CYTH2: variants seen among roughly 807,000 people sequenced by gnomAD.
CYTH2 encodes cytohesin 2.
Under a neutral mutation model 55.4 loss-of-function variants are expected in CYTH2, and 24 were observed. That is an observed-to-expected ratio of 0.43 (90% CI 0.31 to 0.61). CYTH2 has a LOEUF of 0.61. Among genes scored for constraint, CYTH2 ranks in the 20% least tolerant of loss-of-function variants. The pLI is 0.08. For missense variants in CYTH2, 378 were observed against 533.5 expected (o/e 0.71, Z 2.87); for synonymous variants, 221 against 209.6 (o/e 1.05, Z -0.47).
Position 48,479,580 on chromosome 19 carries a change from T to C in CYTH2, c.*370T>C. 4.4e-6 allele frequency: 1 copy of C among 228,996 alleles called. No individual in the cohort carries two copies. The highest frequency in any genetic ancestry group is 8.7e-6 in the Non-Finnish European group (1 of 115,070). 14.2% of individuals were successfully genotyped at this position (228,996 alleles called of 1,614,324 possible). On this transcript the variant is annotated 3_prime_UTR_variant, in exon 12 of 12. Coordinates refer to ENST00000452733, the MANE Select transcript of CYTH2 (RefSeq NM_004228.7). Reference sequence around the variant, plus strand: ...GGAGAAGGTTAATATGGTGGGAGTCTGGAGTTGGAATTGGCCGGGGACAGA... The same window carrying C: ...GGAGAAGGTTAATATGGTGGGAGTCCGGAGTTGGAATTGGCCGGGGACAGA...
In CYTH2 at chr19:48,474,739, C is replaced by T. The variant is rs1569090285; in HGVS notation, c.697-99C>T. 2 of 1,001,708 alleles carry T rather than the reference C, an allele frequency of 2.0e-6. No homozygotes were observed. Among genetic ancestry groups the T allele is most frequent in the East Asian group, 4.8e-5 (2 of 41,414 alleles). 62.1% of individuals were successfully genotyped at this position (1,001,708 alleles called of 1,614,324 possible). A position where few individuals can be genotyped will look rare whatever the true frequency, so the allele number is the denominator to read the frequency against. ...CCCCACTACCCCTCTCTCTTCCCCA[C>T]TATGAGTCATCCCATCCCTGGTCTC... On this transcript the variant is annotated intron_variant, in intron 7 of 11. Coordinates refer to ENST00000452733, the MANE Select transcript of CYTH2 (RefSeq NM_004228.7). This position sits in a 1 kb window ranked among gnomAD's most constrained non-coding sequence, Gnocchi z 4.9.
chr19:48,471,848 G>A (rs1028355161), intron 3 of CYTH2, among the ~76,000 whole-genome samples: 5 of 152,200 alleles, frequency 3.3e-5, no homozygotes, highest in African/African-American at 1.2e-4. Context: ...CCAGGAATTT[G>A]AGACCAGCCT....
At chr19:48,477,910 C>A in intron 8 of CYTH2, 159 bp from the exon 9 acceptor site, 1 of 601,648 alleles carries the variant, frequency 1.7e-6, no homozygotes, top group Non-Finnish European at 3.0e-6. Context: ...CCCCAACATG[C>A]CTGGCCCTGC....
At chr19:48,478,022 C>T in intron 8 of CYTH2, 47 bp from the exon 9 acceptor site, 2 of 1,522,848 alleles carry the variant, frequency 1.3e-6, no homozygotes, top group East Asian at 2.3e-5. Flanking sequence ...CCCAGAGGCC[C>T]TGTCCCCCTG....
chr19:48,476,000 GGAGT>G (rs1569090895), intron 8 of CYTH2: 3 of 519,398 alleles, frequency 5.8e-6, no homozygotes, highest in African/African-American at 5.8e-5. Context: ...CTCAGTGAAG[GGAGT>G]CAAGGTCAGG....
chr19:48,473,475 A>C, intron 5 of CYTH2, 97 bp downstream of exon 5: 2 of 1,317,108 alleles, frequency 1.5e-6, no homozygotes, highest in Non-Finnish European at 2.2e-6. Flanking sequence ...AAACAGAAAC[A>C]AGCAAAACAG....
chr19:48,478,171 G>A, intron 9 of CYTH2, 26 bp downstream of exon 9: 1 of 1,613,302 alleles, frequency 6.2e-7, no homozygotes, highest in East Asian at 2.2e-5. Context: ...CCCGGGCTCT[G>A]GGGTCCTGGG....
chr19:48,470,311 G>T (rs1971764556), intron 1 of CYTH2, 42 bp from the exon 2 acceptor site: 1 of 1,556,034 alleles, frequency 6.4e-7, no homozygotes. Context: ...TCAGGCTCAC[G>T]GCCCCTAGCA....
chr19:48,474,065 A>G lies in CYTH2; in HGVS notation c.547+48A>G, dbSNP rs752185512. The G allele has an allele frequency of 6.4e-7, 1 of 1,566,838 alleles. No homozygotes were observed. The highest frequency in any genetic ancestry group is 8.6e-7 in the Non-Finnish European group (1 of 1,156,650). On this transcript the variant is annotated intron_variant, in intron 6 of 11. Transcript: ENST00000452733. This position sits in a 1 kb window ranked among gnomAD's most constrained non-coding sequence, Gnocchi z 4.9. ...CCTGGGAAAGAGGAGACTGGGGCCC[A>G]GACTCCTAGGTCTGAGGGAGGGAGG...
chr19:48,470,347 C>G lies in CYTH2; in HGVS notation c.20-6C>G, dbSNP rs750575896. The G allele has an allele frequency of 6.2e-7, 1 of 1,604,110 alleles. No homozygotes were observed. Among genetic ancestry groups the G allele is most frequent in the African/African-American group, 1.3e-5 (1 of 74,608 alleles). On this transcript the variant is annotated splice_polypyrimidine_tract_variant and splice_region_variant and intron_variant, in intron 1 of 11. Transcript: ENST00000452733. ...CTGACTTTTAAACCTTGACCCCGAT[C>G]CCTAGAACCCCCAGACCTGACTCCG...
chr19:48,470,039 T>G, intron 1 of CYTH2: 2 of 604,932 alleles, frequency 3.3e-6, no homozygotes, highest in Admixed American at 2.2e-5. Context: ...TCAGTCCCCT[T>G]CCAAGTAATG....
At chr19:48,469,709 C>T (rs1451435648) in intron 1 of CYTH2, 183 bp downstream of exon 1, 3 of 982,556 alleles carry the variant, frequency 3.1e-6, no homozygotes, top group East Asian at 2.8e-5. Context: ...CCGGGCGTTC[C>T]AGGCCATTGT....
intron 8 of CYTH2, chr19:48,477,091 C>G (rs952551527): frequency 2.0e-5 from 3 of 152,244 alleles, no homozygotes; most frequent in African/African-American, 7.2e-5. Flanking sequence ...GTGGTTGCTA[C>G]TCCATGCCTA....
Position 48,470,616 on chromosome 19 carries a change from C to T in CYTH2, c.181C>T (p.Arg61Trp). The T allele has an allele frequency of 5.6e-6, 9 of 1,614,226 alleles. No individual in the cohort carries two copies. The highest frequency in any genetic ancestry group is 2.2e-5 in the East Asian group (1 of 44,886). The change falls in exon 3 of 12, where the codon CGG becomes TGG. Residue 61 changes from arginine to tryptophan, a missense_variant. Arg to Trp is a moderately radical substitution (Grantham distance 101). Transcript: ENST00000452733. Reference protein sequence around the residue: ...EANEGSKTLQRNRKMAMGRKK... With the variant: ...EANEGSKTLQWNRKMAMGRKK... ...CTGCTCCTGCAGTAAGACCTTGCAA[C>T]GGAACCGGAAGATGGCAATGGGCAG...
chr19:48,473,033 G>A, intron 4 of CYTH2: 1 of 452,444 alleles, frequency 2.2e-6, no homozygotes, highest in Non-Finnish European at 4.1e-6. Context: ...ACAGTAGGTA[G>A]CATACATGTT....
chr19:48,472,726 A>C, intron 4 of CYTH2: 5 of 461,798 alleles, frequency 1.1e-5, no homozygotes, highest in Non-Finnish European at 2.0e-5. Context: ...AACATCTCTC[A>C]AGGATCATGG....
Position 48,478,461 on chromosome 19 carries a change from C to T in CYTH2, c.981C>T (p.Pro327=). The change falls in exon 11 of 12, where the codon CCC becomes CCT. Residue 327 remains proline (P), a synonymous_variant. Coordinates refer to ENST00000452733, the MANE Select transcript of CYTH2 (RefSeq NM_004228.7). ...AGAACTGCTTTGAACTTTACATCCCCAACAACAAGGGGCAGCTCATCAAAG... is the reference window on the plus strand; with the variant it reads ...AGAACTGCTTTGAACTTTACATCCCTAACAACAAGGGGCAGCTCATCAAAG... ...RKPNCFELYI[P]NNKGQLIKAC... 1 of 1,614,098 alleles carries T rather than the reference C, an allele frequency of 6.2e-7. No individual in the cohort carries two copies. Among genetic ancestry groups the T allele is most frequent in the East Asian group, 2.2e-5 (1 of 44,870 alleles).
intron 8 of CYTH2, chr19:48,476,439 A>G (rs1418752691): frequency 6.3e-6 from 1 of 159,728 alleles, no homozygotes; most frequent in Non-Finnish European, 1.4e-5. Context: ...TGTCCAGCCA[A>G]CACCCCAGTC....
rs1401616343 is a variant in CYTH2, at chr19:48,480,402, A to T, written c.*1192A>T. ...GTTCGCTTTTGAGCTCTCCGATGGG[A>T]TGCGGCGCTTCGGAATTTCGGGCTT... On this transcript the variant is annotated 3_prime_UTR_variant, in exon 12 of 12. Coordinates refer to ENST00000452733, the MANE Select transcript of CYTH2 (RefSeq NM_004228.7). The T allele has an allele frequency of 6.6e-6, 1 of 152,090 alleles. No homozygotes were observed. Among genetic ancestry groups the T allele is most frequent in the East Asian group, 1.9e-4 (1 of 5,182 alleles). The allele number at this position is 152,090 out of a possible 1,614,324, so 9.4% of individuals were successfully genotyped here. A position where few individuals can be genotyped will look rare whatever the true frequency, so the allele number is the denominator to read the frequency against.
Sources: allele counts gnomAD v4.1 joint callset (sites outside exome capture counted in the v4.1 genomes callset), GRCh38; gene constraint gnomAD v4.1.1; non-coding constraint Gnocchi (gnomAD v3.1); transcripts MANE v1.5; gene names NCBI Gene and HGNC (gene_info 2026-07-23, HGNC 2026-07-21).